ADGRL2: variants seen among roughly 807,000 people sequenced by gnomAD.
The protein encoded by ADGRL2 is adhesion G protein-coupled receptor L2, also known as calcium-independent alpha-latrotoxin receptor 2.
In ADGRL2, 44 loss-of-function variants were observed where a neutral mutation model predicts 157.4. That is an observed-to-expected ratio of 0.28 (90% CI 0.22 to 0.36). The LOEUF is 0.36. Among genes scored for constraint, ADGRL2 ranks in the 10% least tolerant of loss-of-function variants. The pLI, the probability that ADGRL2 is intolerant of heterozygous loss-of-function variation, is 1.00. For missense variants in ADGRL2, 1,510 were observed against 1,768.9 expected, an observed-to-expected ratio of 0.85 and a Z score of 2.63; for synonymous variants, 585 against 624.7, an observed-to-expected ratio of 0.94 and a Z score of 0.95.
chr1:81,483,114 A>T (rs1396886003), intron 2 of ADGRL2, among the ~76,000 whole-genome samples: 3 of 152,026 alleles, frequency 2.0e-5, no homozygotes, highest in African/African-American at 7.2e-5. Flanking sequence ...CAATAGAAGA[A>T]CTCTTCATTA....
intron 2 of ADGRL2, among the ~76,000 whole-genome samples, chr1:81,887,990 C>T (rs1374486386): frequency 6.6e-6 from 1 of 152,042 alleles, no homozygotes; most frequent in African/African-American, 2.4e-5. Flanking sequence ...TTGGCTGTGG[C>T]TAGACAGTCA....
chr1:81,518,742 G>T (rs1304234493), intron 2 of ADGRL2, among the ~76,000 whole-genome samples: 1 of 151,144 alleles, frequency 6.6e-6, no homozygotes, highest in East Asian at 2.0e-4. Context: ...AGGTTGCAGT[G>T]AGCTGAGATC....
chr1:81,340,932 G>A lies in ADGRL2; in HGVS notation c.-302+34423G>A, dbSNP rs1662026934. Among the ~76,000 whole-genome samples, 6 of 151,306 alleles carry A rather than the reference G, an allele frequency of 4.0e-5. No homozygotes were observed. The South Asian group carries it at 1.2e-3, about 31-fold the overall frequency. On this transcript the variant is annotated intron_variant, in intron 1 of 24. Coordinates refer to the ADGRL2 transcript ENST00000370721. ...TAAATGGAACCTTAAAGATCTTAAA[G>A]GAGAAACTTTCTCTAAAACAAGCCC...
chr1:81,673,526 T>G (rs983566911), intron 3 of ADGRL2, among the ~76,000 whole-genome samples: 6 of 147,886 alleles, frequency 4.1e-5, no homozygotes, highest in African/African-American at 1.5e-4. Flanking sequence ...TTTTTTTTTT[T>G]TTTTTTGAGA....
At chr1:81,988,839 G>A (rs1007870201) in intron 23 of ADGRL2, among the ~76,000 whole-genome samples, 1 of 151,844 alleles carries the variant, frequency 6.6e-6, no homozygotes, top group Non-Finnish European at 1.5e-5. Context: ...CACTAAAACG[G>A]GAAATTTCGT....
chr1:81,676,041 G>C (rs2082981686), intron 3 of ADGRL2, among the ~76,000 whole-genome samples: 1 of 151,516 alleles, frequency 6.6e-6, no homozygotes, highest in African/African-American at 2.4e-5. Flanking sequence ...TGCTCTTCTT[G>C]CCCAGGCTAG....
chr1:81,342,369 A>G (rs1212062617), intron 1 of ADGRL2, among the ~76,000 whole-genome samples: 1 of 152,226 alleles, frequency 6.6e-6, no homozygotes, highest in Non-Finnish European at 1.5e-5. Flanking sequence ...TTCCAATTGT[A>G]TCATGTACCT....
At chr1:81,636,567 A>G (rs966932413) in intron 3 of ADGRL2, among the ~76,000 whole-genome samples, 3 of 152,008 alleles carry the variant, frequency 2.0e-5, no homozygotes, top group African/African-American at 7.3e-5. Context: ...ATTTTTTTCT[A>G]AATTTTTACC....
At chr1:81,671,394 C>A (rs114669272) in intron 3 of ADGRL2, among the ~76,000 whole-genome samples, 1,581 of 152,306 alleles carry the variant, frequency 0.01, 32 homozygotes, top group African/African-American at 0.036. Flanking sequence ...AGCTATGCAT[C>A]TTCTAAAGCT....
chr1:81,841,365 G>C (rs1432675152), intron 2 of ADGRL2, among the ~76,000 whole-genome samples: 2 of 152,036 alleles, frequency 1.3e-5, no homozygotes, highest in African/African-American at 4.8e-5. Flanking sequence ...AATGACTTGA[G>C]TTAATGTTCT....
intron 3 of ADGRL2, among the ~76,000 whole-genome samples, chr1:81,683,477 C>T (rs922618388): frequency 6.6e-6 from 1 of 152,070 alleles, no homozygotes; most frequent in Non-Finnish European, 1.5e-5. Flanking sequence ...CTCCAAAGTC[C>T]ATCATCATTG....
At chr1:81,505,444 T>C (rs1310117110) in intron 2 of ADGRL2, among the ~76,000 whole-genome samples, 3 of 150,784 alleles carry the variant, frequency 2.0e-5, no homozygotes, top group Non-Finnish European at 4.4e-5. Context: ...CACTGTGTCT[T>C]TCCGGTCATT....
At chr1:81,841,932 A>G (rs192570196) in intron 2 of ADGRL2, among the ~76,000 whole-genome samples, 2 of 152,176 alleles carry the variant, frequency 1.3e-5, no homozygotes, top group African/African-American at 4.8e-5. Context: ...AGGCATTGGG[A>G]TGAGCGATAG....
In ADGRL2 at chr1:81,475,516, A is replaced by G. The variant is rs115333973; in HGVS notation, c.-248+30427A>G. On this transcript the variant is annotated intron_variant, in intron 2 of 24. Transcript: ENST00000370721. ...TTGTGAAAAAGAATTAGGAATACCT[A>G]TTTTACTATGTTACAATTTGACCAA... 1.7e-3 allele frequency among the ~76,000 whole-genome samples: 260 copies of G among 152,288 alleles called. 1 individual carries two copies. The highest frequency in any genetic ancestry group is 6.1e-3 in the African/African-American group (254 of 41,574).
intron 10 of ADGRL2, 141 bp downstream of exon 10, chr1:81,953,166 T>C: frequency 1.6e-6 from 1 of 608,174 alleles, no homozygotes; most frequent in Non-Finnish European, 2.9e-6. Context: ...AATGTTGGCT[T>C]TTCACAGGTA....
chr1:81,443,631 A>G (rs1394135633), intron 1 of ADGRL2, among the ~76,000 whole-genome samples: 1 of 152,166 alleles, frequency 6.6e-6, no homozygotes, highest in Non-Finnish European at 1.5e-5. Context: ...TATATACAAT[A>G]TTTTGAATTT....
At chr1:81,374,156 G>C (rs2076206558) in intron 1 of ADGRL2, among the ~76,000 whole-genome samples, 1 of 152,110 alleles carries the variant, frequency 6.6e-6, no homozygotes, top group Admixed American at 6.6e-5. Context: ...CATATACGTG[G>C]AGACATGTGA....
chr1:81,520,930 C>A (rs762759093), intron 2 of ADGRL2, among the ~76,000 whole-genome samples: 2 of 152,124 alleles, frequency 1.3e-5, no homozygotes, highest in Non-Finnish European at 2.9e-5. Context: ...GGGACCAATA[C>A]GGCTACTTGA....
chr1:81,578,195 T>A (rs1389046999), intron 2 of ADGRL2, among the ~76,000 whole-genome samples: 1 of 152,182 alleles, frequency 6.6e-6, no homozygotes, highest in East Asian at 1.9e-4. Context: ...CTCCCACTCT[T>A]ATCTCACAGG....
Sources: allele counts gnomAD v4.1 joint callset (sites outside exome capture counted in the v4.1 genomes callset), GRCh38; gene constraint gnomAD v4.1.1; transcripts MANE v1.5; gene names NCBI Gene and HGNC (gene_info 2026-07-23, HGNC 2026-07-21).